Variants in PCDH15 observed in about 807,000 individuals in gnomAD.
The protein encoded by PCDH15 is protocadherin related 15.
A neutral mutation model predicts 178.5 loss-of-function variants in PCDH15; 129 were observed. The observed-to-expected ratio is 0.72, with a 90% CI of 0.63 to 0.84. The LOEUF is 0.84. PCDH15 is among the 40% of genes least tolerant of loss of function. PCDH15 has a pLI of 0.00. For missense variants in PCDH15, 2,230 were observed against 2,099.9 expected, an observed-to-expected ratio of 1.06 and a Z score of -1.21; for synonymous variants, 800 against 732.0, an observed-to-expected ratio of 1.09 and a Z score of -1.50.
At chr10:55,174,216 T>C (rs1454395592) in intron 1 of PCDH15, among the ~76,000 whole-genome samples, 1 of 152,090 alleles carries the variant, frequency 6.6e-6, no homozygotes, top group Non-Finnish European at 1.5e-5. Context: ...TACTACCAAT[T>C]GAATACTGAT....
At position 54,738,452 on chromosome 10, in the gene PCDH15, G is replaced by A. The variant is rs535008867; in HGVS notation, c.-29+62473C>T. ...AAAGGTTTTATTTATTTTAAAGTAG[G>A]TAAAACATGAATTTACTTTACAAAC... On this transcript the variant is annotated intron_variant, in intron 1 of 37. Transcript: ENST00000644397. Among the ~76,000 whole-genome samples the A allele has an allele frequency of 5.9e-5, 9 of 151,964 alleles. No individual in the cohort carries two copies. The South Asian group carries it at 1.9e-3, about 32-fold the overall frequency.
intron 2 of PCDH15, among the ~76,000 whole-genome samples, chr10:55,417,765 A>G (rs564368582): frequency 1.1e-4 from 16 of 146,942 alleles, no homozygotes; most frequent in South Asian, 1.1e-3. Flanking sequence ...AAATGAAGGG[A>G]AAAAAAAAAC....
chr10:55,092,972 A>G (rs1471416441), intron 2 of PCDH15, among the ~76,000 whole-genome samples: 1 of 152,022 alleles, frequency 6.6e-6, no homozygotes, highest in Non-Finnish European at 1.5e-5. Flanking sequence ...AACAAAAACA[A>G]AGCATTCTTT....
At chr10:55,544,920 G>A (rs541740573) in intron 2 of PCDH15, among the ~76,000 whole-genome samples, 1 of 152,168 alleles carries the variant, frequency 6.6e-6, no homozygotes, top group African/African-American at 2.4e-5. Context: ...AGAAGTATAA[G>A]GCAGATCTCA....
chr10:55,377,315 G>A (rs1404173040), intron 2 of PCDH15, among the ~76,000 whole-genome samples: 5 of 151,730 alleles, frequency 3.3e-5, no homozygotes, highest in South Asian at 2.1e-4. Flanking sequence ...TTTTCTACCC[G>A]ACAGTGCCAG....
chr10:54,962,413 C>G (rs11004648), intron 2 of PCDH15, among the ~76,000 whole-genome samples: 97 of 151,964 alleles, frequency 6.4e-4, no homozygotes, highest in Middle Eastern at 3.2e-3. Context: ...ATATCTCCCC[C>G]CATTTGCCAC....
chr10:54,949,097 G>A (rs980078103), intron 2 of PCDH15, among the ~76,000 whole-genome samples: 3 of 151,864 alleles, frequency 2.0e-5, no homozygotes, highest in Non-Finnish European at 4.4e-5. Flanking sequence ...AAAATATTAT[G>A]AGTGTCTTTG....
chr10:53,841,509 T>G (rs999217851), intron 28 of PCDH15, among the ~76,000 whole-genome samples: 1 of 152,182 alleles, frequency 6.6e-6, no homozygotes, highest in African/African-American at 2.4e-5. Context: ...GAGTCTTGTA[T>G]GTGCTTGGTT....
chr10:55,509,199 A>G (rs139525468), intron 2 of PCDH15, among the ~76,000 whole-genome samples: 115 of 151,894 alleles, frequency 7.6e-4, no homozygotes, highest in African/African-American at 2.6e-3. Flanking sequence ...ATCAAGAACA[A>G]TGATCTGAAA....
At chr10:54,731,337 C>T (rs75147284) in intron 1 of PCDH15, among the ~76,000 whole-genome samples, 1 of 149,988 alleles carries the variant, frequency 6.7e-6, no homozygotes, top group Non-Finnish European at 1.5e-5. Flanking sequence ...AGTGCAACCA[C>T]TATGAAAAAA....
intron 25 of PCDH15, among the ~76,000 whole-genome samples, chr10:53,911,259 C>T (rs2083067380): frequency 6.6e-6 from 1 of 152,186 alleles, no homozygotes; most frequent in Non-Finnish European, 1.5e-5. Flanking sequence ...AAGAAACTGT[C>T]TCTCAGACCA....
chr10:54,793,748 G>A (rs976996478), intron 1 of PCDH15, among the ~76,000 whole-genome samples: 3 of 148,200 alleles, frequency 2.0e-5, no homozygotes, highest in Non-Finnish European at 4.5e-5. Context: ...GTAAAACTGT[G>A]CTTAGAACTT....
chr10:55,551,649 G>A (rs1465212613), intron 2 of PCDH15, among the ~76,000 whole-genome samples: 1 of 151,652 alleles, frequency 6.6e-6, no homozygotes, highest in Non-Finnish European at 1.5e-5. Context: ...TATAATAAAA[G>A]GATATATGAA....
At chr10:55,513,285 A>T (rs745687760) in intron 2 of PCDH15, 1 of 152,120 alleles carries the variant, frequency 6.6e-6, no homozygotes, top group Non-Finnish European at 1.5e-5. Context: ...TGCCTCATTG[A>T]TGACATCAAA....
intron 15 of PCDH15, among the ~76,000 whole-genome samples, chr10:54,121,290 A>G (rs2095215679): frequency 1.3e-5 from 2 of 152,156 alleles, no homozygotes; most frequent in Non-Finnish European, 2.9e-5. Flanking sequence ...ATGTTGCAAA[A>G]TCAGTGTTAA....
intron 3 of PCDH15, among the ~76,000 whole-genome samples, chr10:54,385,272 T>C (rs1361934373): frequency 1.3e-5 from 2 of 152,164 alleles, no homozygotes; most frequent in African/African-American, 4.8e-5. Context: ...TCATTCAGAT[T>C]AACAATTCTG....
intron 17 of PCDH15, among the ~76,000 whole-genome samples, chr10:54,072,137 T>G (rs1440851435): frequency 2.0e-5 from 3 of 152,262 alleles, no homozygotes; most frequent in African/African-American, 7.2e-5. Context: ...AAAGTTTTCC[T>G]ATCTGAATAA....
chr10:54,391,473 A>G (rs559499133), intron 3 of PCDH15, among the ~76,000 whole-genome samples: 2 of 152,224 alleles, frequency 1.3e-5, no homozygotes, highest in South Asian at 4.1e-4. Flanking sequence ...TAGATAAACC[A>G]ATGTGTTTTT....
chr10:54,824,765 T>C (rs867354199), intron 3 of PCDH15, among the ~76,000 whole-genome samples: 1 of 152,000 alleles, frequency 6.6e-6, no homozygotes, highest in Non-Finnish European at 1.5e-5. Context: ...AGGGAGGAAA[T>C]AGACAGATGG....
Sources: gnomAD v4.1 joint callset for allele counts (sites outside exome capture counted in the v4.1 genomes callset) on GRCh38, gnomAD v4.1.1 for gene constraint, MANE v1.5 for transcripts, NCBI Gene and HGNC (gene_info 2026-07-23, HGNC 2026-07-21) for gene names.